Variants in PCBP3 observed in about 807,000 individuals in gnomAD.
PCBP3 encodes poly(rC) binding protein 3, also known as poly(rC)-binding protein 3.
PCBP3 carries 25 observed loss-of-function variants against 52.7 expected under a neutral mutation model. The ratio of observed to expected loss-of-function variants is 0.47; its 90% confidence interval spans 0.35 to 0.66. The LOEUF (loss-of-function observed/expected upper bound fraction) is 0.66, where lower values mean the gene tolerates loss of function less well. Among genes scored for constraint, PCBP3 ranks in the 30% least tolerant of loss-of-function variants. The probability of loss-of-function intolerance (pLI) is 0.01; values close to 1 mark genes in which losing one functional copy is unlikely to be tolerated. For synonymous variants in PCBP3, 162 were observed against 183.0 expected, an observed-to-expected ratio of 0.89 and a Z score of 0.93; for missense variants, 391 against 490.3, an observed-to-expected ratio of 0.80 and a Z score of 1.91.
At chr21:45,781,852 G>C (rs1403190260) in intron 4 of PCBP3, among the ~76,000 whole-genome samples, 1 of 152,150 alleles carries the variant, frequency 6.6e-6, no homozygotes, top group Non-Finnish European at 1.5e-5. Context: ...TTATATGTCA[G>C]TTACCTGGCA....
chr21:45,930,986 G>A (rs2076105429), intron 15 of PCBP3, 141 bp downstream of exon 15: 2 of 1,227,272 alleles, frequency 1.6e-6, no homozygotes, highest in Non-Finnish European at 2.2e-6. Context: ...TGCTGCCAAG[G>A]GCGTGGGTGG....
At chr21:45,823,651 T>G (rs1255974041) in intron 4 of PCBP3, among the ~76,000 whole-genome samples, 1 of 151,982 alleles carries the variant, frequency 6.6e-6, no homozygotes, top group Non-Finnish European at 1.5e-5. Flanking sequence ...CTGTGGCAAT[T>G]CAGGGCCCAT....
chr21:45,679,041 AGAT>A (rs1370836878), intron 2 of PCBP3, among the ~76,000 whole-genome samples: 2 of 151,954 alleles, frequency 1.3e-5, no homozygotes, highest in African/African-American at 2.4e-5. Flanking sequence ...ACCACTAAAA[AGAT>A]GATGACTCAC....
At chr21:45,823,037 C>T (rs577774479) in intron 4 of PCBP3, among the ~76,000 whole-genome samples, 9 of 152,282 alleles carry the variant, frequency 5.9e-5, no homozygotes, top group Middle Eastern at 3.4e-3. Context: ...TATAGGACAT[C>T]GGTCTGTGCA....
chr21:45,828,900 C>T (rs777000318), intron 4 of PCBP3: 13 of 152,420 alleles, frequency 8.5e-5, no homozygotes, highest in African/African-American at 1.4e-4. Flanking sequence ...GATGGAGGAG[C>T]TCCACCTCTG....
chr21:45,866,051 T>C (rs1392620963), intron 5 of PCBP3, among the ~76,000 whole-genome samples: 1 of 152,220 alleles, frequency 6.6e-6, no homozygotes, highest in Admixed American at 6.5e-5. Flanking sequence ...GCAGTGGGCT[T>C]CCTTCTCCAA....
chr21:45,792,060 A>G (rs1375015406), intron 4 of PCBP3, among the ~76,000 whole-genome samples: 8 of 152,274 alleles, frequency 5.3e-5, no homozygotes, highest in Non-Finnish European at 8.8e-5. Flanking sequence ...GCCGACTGCA[A>G]GCCCACCTGG....
intron 2 of PCBP3, 190 bp downstream of exon 2, chr21:45,669,142 G>T (rs2080989356): frequency 6.6e-6 from 1 of 151,874 alleles, no homozygotes; most frequent in Admixed American, 6.6e-5. Flanking sequence ...TTCTTTCTGG[G>T]ACTCTGATTA....
intron 2 of PCBP3, among the ~76,000 whole-genome samples, chr21:45,729,677 A>G (rs2085311522): frequency 6.6e-6 from 1 of 152,068 alleles, no homozygotes; most frequent in African/African-American, 2.4e-5. Flanking sequence ...CATTCTTGAT[A>G]TTGGTAATTT....
chr21:45,808,540 C>G (rs2092584790), intron 4 of PCBP3, among the ~76,000 whole-genome samples: 1 of 152,164 alleles, frequency 6.6e-6, no homozygotes. Flanking sequence ...CAGGAAACAG[C>G]AGATGCTAGA....
chr21:45,781,602 G>C (rs561289426), intron 4 of PCBP3, among the ~76,000 whole-genome samples: 1 of 152,102 alleles, frequency 6.6e-6, no homozygotes, highest in African/African-American at 2.4e-5. Flanking sequence ...TATTAAATAC[G>C]TACCTACCAA....
chr21:45,923,979 C>T (rs1382961854), intron 13 of PCBP3, among the ~76,000 whole-genome samples: 2 of 86,494 alleles, frequency 2.3e-5, no homozygotes, highest in Admixed American at 1.0e-4. Context: ...CGGGAACAGT[C>T]GAGTGGATAG....
rs558156288 is a variant in PCBP3, at chr21:45,892,753, TC to T, written c.11-3451del. Among the ~76,000 whole-genome samples the T allele has an allele frequency of 4.6e-5, 7 of 152,218 alleles. No individual in the cohort carries two copies. The East Asian group carries it at 1.4e-3, about 29-fold the overall frequency. On this transcript the variant is annotated intron_variant, in intron 5 of 17. Transcript: ENST00000681687. ...GCACCCCAGGTCTATGCATGGACTGTCCCCACCCCCAGGCCCCAAGCTCAGC... is the reference window on the plus strand; with the variant it reads ...GCACCCCAGGTCTATGCATGGACTGTCCCACCCCCAGGCCCCAAGCTCAGC...
At chr21:45,814,506 GGTGAGTGATGAGTGGTGA>G (rs1443059584) in intron 4 of PCBP3, among the ~76,000 whole-genome samples, 3 of 114,570 alleles carry the variant, frequency 2.6e-5, no homozygotes, top group Non-Finnish European at 5.4e-5. Context: ...AGTGGTGAGT[GGTGAGTGATGAGTGGTGA>G]GTGAGTGATG....
chr21:45,654,771 GT>G (rs2079908723), intron 1 of PCBP3, among the ~76,000 whole-genome samples: 1 of 152,092 alleles, frequency 6.6e-6, no homozygotes, highest in South Asian at 2.1e-4. Context: ...ACAATTGAGT[GT>G]TTTTTGGTGT....
At chr21:45,688,648 A>G (rs1298382491) in intron 2 of PCBP3, among the ~76,000 whole-genome samples, 1 of 152,130 alleles carries the variant, frequency 6.6e-6, no homozygotes, top group Non-Finnish European at 1.5e-5. Context: ...AAAATGAAAA[A>G]CAGTAAAAAG....
chr21:45,844,679 T>C (rs536171937), intron 4 of PCBP3, among the ~76,000 whole-genome samples: 2 of 152,218 alleles, frequency 1.3e-5, no homozygotes, highest in Non-Finnish European at 2.9e-5. Flanking sequence ...AGAATGGAGA[T>C]AGTTCTGGGT....
At chr21:45,851,929 C>A (rs2148233914) in intron 5 of PCBP3, among the ~76,000 whole-genome samples, 1 of 152,288 alleles carries the variant, frequency 6.6e-6, no homozygotes, top group South Asian at 2.1e-4. Context: ...CAGATTGTTT[C>A]AGAAAATAGA....
intron 5 of PCBP3, among the ~76,000 whole-genome samples, chr21:45,888,406 C>T (rs955554230): frequency 6.6e-6 from 1 of 152,228 alleles, no homozygotes; most frequent in African/African-American, 2.4e-5. Flanking sequence ...TGGGTGCCCG[C>T]GGGTGGGAAC....
Sources: allele counts gnomAD v4.1 joint callset (sites outside exome capture counted in the v4.1 genomes callset), GRCh38; gene constraint gnomAD v4.1.1; transcripts MANE v1.5; gene names NCBI Gene and HGNC (gene_info 2026-07-23, HGNC 2026-07-21).